TOGARAM1: variants seen among roughly 807,000 people sequenced by gnomAD.
TOGARAM1 encodes TOG array regulator of axonemal microtubules 1.
Under a neutral mutation model 166.6 loss-of-function variants are expected in TOGARAM1, and 100 were observed. The ratio of observed to expected loss-of-function variants is 0.60; its 90% CI spans 0.51 to 0.71. TOGARAM1 has a LOEUF of 0.71. TOGARAM1 is among the 30% of genes least tolerant of loss of function. The pLI is 0.00. For synonymous variants in TOGARAM1, 758 were observed against 763.8 expected (o/e 0.99, Z 0.13); for missense variants, 2,029 against 2,102.7 (o/e 0.96, Z 0.69).
chr14:45,070,262 A>G (rs541554641), intron 18 of TOGARAM1, among the ~76,000 whole-genome samples: 1 of 152,320 alleles, frequency 6.6e-6, no homozygotes, highest in East Asian at 1.9e-4. Flanking sequence ...ACATATGCAA[A>G]TGGATGGTTC....
chr14:45,050,949 G>T (rs1414561640), intron 14 of TOGARAM1, among the ~76,000 whole-genome samples: 1 of 152,096 alleles, frequency 6.6e-6, no homozygotes, highest in African/African-American at 2.4e-5. Flanking sequence ...TATATTCCAA[G>T]TTGTGAGTAA....
At chr14:45,065,203 A>G (rs1258364330) in intron 16 of TOGARAM1, among the ~76,000 whole-genome samples, 11 of 152,182 alleles carry the variant, frequency 7.2e-5, no homozygotes, top group Non-Finnish European at 1.6e-4. Flanking sequence ...AGATAGAGTG[A>G]GACTCTGCAT....
At position 45,009,058 on chromosome 14, in the gene TOGARAM1, A is replaced by G; in HGVS notation, c.3050A>G (p.Asn1017Ser). ...MDSPSLSSSPNINSYSESGVY... is the reference protein window; with the variant it reads ...MDSPSLSSSPSINSYSESGVY... ...TCCCCGTCTCTGTCTTCCTCACCAA[A>G]CATCAATTCTTACAGTGAAAGTGGA... The change falls in exon 6 of 20, where the codon AAC (asparagine) becomes AGC (serine). Residue 1017 changes from asparagine (N) to serine (S), a missense_variant. Asn to Ser is a conservative substitution (Grantham distance 46). Coordinates refer to ENST00000361462, the MANE Select transcript of TOGARAM1 (RefSeq NM_001308120.2). 2 of 1,614,010 alleles carry G rather than the reference A, an allele frequency of 1.2e-6. No individual in the cohort carries two copies. Among genetic ancestry groups the G allele is most frequent in the Non-Finnish European group, 1.7e-6 (2 of 1,179,952 alleles).
In TOGARAM1 at chr14:45,028,320, G is replaced by A. The variant is rs749935480; in HGVS notation, c.3649G>A (p.Ala1217Thr). 3 of 1,582,022 alleles carry A rather than the reference G, an allele frequency of 1.9e-6. No individual in the cohort carries two copies. The highest frequency in any genetic ancestry group is 2.6e-6 in the Non-Finnish European group (3 of 1,171,962). Residue 1217 changes from alanine (A) to threonine (T), a missense_variant, in exon 10 of 20, where the codon GCA becomes ACA. Transcript: ENST00000361462. ...RMRHTGTEKM[A>T]SESETPTGAI... ...GAGACATACAGGAACTGAGAAAATG[G>A]CATCTGAAAGTAAGTGGAATTTAAG...
intron 5 of TOGARAM1, 135 bp from the exon 6 acceptor site, chr14:45,008,778 A>C (rs952599791): frequency 3.3e-6 from 2 of 604,172 alleles, no homozygotes; most frequent in African/African-American, 3.7e-5. Context: ...CATATATATT[A>C]GTATTCATCT....
intron 17 of TOGARAM1, 56 bp from the exon 18 acceptor site, chr14:45,068,368 A>G: frequency 8.1e-7 from 1 of 1,233,142 alleles, no homozygotes. Flanking sequence ...GATACTTATA[A>G]ATACAATAGC....
chr14:44,975,175 A>G (rs188283294), intron 1 of TOGARAM1, among the ~76,000 whole-genome samples: 10 of 152,288 alleles, frequency 6.6e-5, no homozygotes, highest in Admixed American at 6.5e-4. Context: ...TTCATTAGCC[A>G]CTTTGACACA....
rs1879754323 is a variant in TOGARAM1, at chr14:45,011,002, A to G, written c.3138-973A>G. On this transcript the variant is annotated intron_variant, in intron 6 of 19. Transcript: ENST00000361462. ...TTTCTCTCCATTTACTGAGAATTGT[A>G]CTTCTTTGTAAAATCTATTCTTTTT... Among the ~76,000 whole-genome samples, 5 of 152,304 alleles carry G rather than the reference A, an allele frequency of 3.3e-5. No individual in the cohort carries two copies. The South Asian group carries it at 1.0e-3, about 32-fold the overall frequency.
intron 16 of TOGARAM1, among the ~76,000 whole-genome samples, chr14:45,060,551 T>C (rs1882860007): frequency 6.6e-6 from 1 of 152,124 alleles, no homozygotes; most frequent in Non-Finnish European, 1.5e-5. Context: ...CCAGACCTAC[T>C]AAATAAGAAT....
At chr14:45,056,105 A>T (rs1260432323) in intron 16 of TOGARAM1, among the ~76,000 whole-genome samples, 1 of 151,944 alleles carries the variant, frequency 6.6e-6, no homozygotes, top group Non-Finnish European at 1.5e-5. Context: ...GGTTAAAAAT[A>T]TACTCCTAGG....
At chr14:45,052,856 G>T (rs1013359599) in intron 15 of TOGARAM1, among the ~76,000 whole-genome samples, 3 of 152,108 alleles carry the variant, frequency 2.0e-5, no homozygotes, top group African/African-American at 7.2e-5. Flanking sequence ...GTTAGCAACT[G>T]TGTAACTTAC....
chr14:45,071,927 A>G (rs1237840036), intron 19 of TOGARAM1, 129 bp downstream of exon 19: 3 of 643,030 alleles, frequency 4.7e-6, no homozygotes, highest in Admixed American at 3.2e-5. Context: ...AAATTGTGTA[A>G]TGATCCACAA....
intron 14 of TOGARAM1, among the ~76,000 whole-genome samples, chr14:45,052,104 T>G (rs901763272): frequency 3.9e-5 from 6 of 152,224 alleles, no homozygotes; most frequent in Non-Finnish European, 7.3e-5. Flanking sequence ...TCGCTGCTGC[T>G]GCCCAGCATC....
intron 1 of TOGARAM1, among the ~76,000 whole-genome samples, chr14:44,966,559 A>G (rs1405759250): frequency 6.6e-6 from 1 of 152,110 alleles, no homozygotes; most frequent in African/African-American, 2.4e-5. Flanking sequence ...TACTACCTGC[A>G]ATTCTTTTTT....
At chr14:44,978,859 C>T (rs775354219) in intron 1 of TOGARAM1, among the ~76,000 whole-genome samples, 2 of 151,516 alleles carry the variant, frequency 1.3e-5, no homozygotes, top group Admixed American at 6.6e-5. Flanking sequence ...GGCATGGTGG[C>T]ATATACCTAT....
In TOGARAM1 at chr14:45,056,101, AAATATACTCCT is replaced by A. The variant is rs1456671325; in HGVS notation, c.4559+1554_4559+1564del. Among the ~76,000 whole-genome samples, 4 of 151,986 alleles carry A rather than the reference AAATATACTCCT, an allele frequency of 2.6e-5. No individual in the cohort carries two copies. The South Asian group carries it at 6.2e-4, about 24-fold the overall frequency. On this transcript the variant is annotated intron_variant, in intron 16 of 19. Transcript: ENST00000361462. ...AGAGATCTTTTACCTCCTTGGTTAA[AAATATACTCCT>A]AGGTATTTTATTTCTTTTTTAGTTA...
intron 1 of TOGARAM1, among the ~76,000 whole-genome samples, chr14:44,986,634 A>G (rs1299874360): frequency 1.3e-5 from 2 of 151,984 alleles, no homozygotes; most frequent in Non-Finnish European, 2.9e-5. Flanking sequence ...GATACTACAG[A>G]TACTAAAACT....
intron 1 of TOGARAM1, among the ~76,000 whole-genome samples, chr14:44,979,722 A>G (rs1462673321): frequency 1.3e-5 from 2 of 152,208 alleles, no homozygotes; most frequent in Non-Finnish European, 2.9e-5. Flanking sequence ...TCACTATCAA[A>G]TGATCTATAA....
chr14:45,047,226 C>T (rs1882110459), intron 14 of TOGARAM1, among the ~76,000 whole-genome samples: 1 of 151,778 alleles, frequency 6.6e-6, no homozygotes, highest in South Asian at 2.1e-4. Flanking sequence ...CCCGTCTCTA[C>T]TAAAAATACA....
Sources: allele counts gnomAD v4.1 joint callset (sites outside exome capture counted in the v4.1 genomes callset), GRCh38; gene constraint gnomAD v4.1.1; transcripts MANE v1.5; gene names NCBI Gene and HGNC (gene_info 2026-07-23, HGNC 2026-07-21).